CTNNA2: variants seen among roughly 807,000 people sequenced by gnomAD.
CTNNA2 encodes catenin alpha-2.
A neutral mutation model predicts 101.0 loss-of-function variants in CTNNA2; 42 were observed. The observed-to-expected ratio is 0.42, with a 90% CI of 0.32 to 0.54. The LOEUF (loss-of-function observed/expected upper bound fraction) is 0.54, where lower values mean the gene tolerates loss of function less well. Among genes scored for constraint, CTNNA2 ranks in the 20% least tolerant of loss-of-function variants. The pLI is 0.14. For synonymous variants in CTNNA2, 450 were observed against 456.4 expected (o/e 0.99, Z 0.18); for missense variants, 871 against 1,223.1 (o/e 0.71, Z 4.29).
intron 4 of CTNNA2, among the ~76,000 whole-genome samples, chr2:79,445,469 G>T (rs1678822616): frequency 1.3e-5 from 2 of 152,170 alleles, no homozygotes; most frequent in African/African-American, 4.8e-5. Flanking sequence ...AAGTGATTTG[G>T]TGGAAATTAA....
chr2:80,645,857 C>T (rs1023315783), intron 18 of CTNNA2, among the ~76,000 whole-genome samples: 4 of 152,078 alleles, frequency 2.6e-5, no homozygotes, highest in African/African-American at 9.7e-5. Flanking sequence ...GTTACTCCAT[C>T]CATTTGGTTG....
chr2:80,228,031 T>A (rs1446563244), intron 7 of CTNNA2, among the ~76,000 whole-genome samples: 2 of 152,128 alleles, frequency 1.3e-5, no homozygotes, highest in African/African-American at 4.8e-5. Context: ...TAGTGTACAG[T>A]GTGTACTGTG....
chr2:79,732,549 A>C (rs947273292), intron 2 of CTNNA2, among the ~76,000 whole-genome samples: 1 of 152,050 alleles, frequency 6.6e-6, no homozygotes, highest in Non-Finnish European at 1.5e-5. Context: ...TGTGTTATTT[A>C]TTTTTCTAAA....
chr2:80,134,638 G>C (rs1260661310), intron 7 of CTNNA2, among the ~76,000 whole-genome samples: 1 of 152,144 alleles, frequency 6.6e-6, no homozygotes, highest in South Asian at 2.1e-4. Context: ...CATGAGGCCA[G>C]CTTTGTCTCT....
At chr2:79,676,927 G>A (rs924227247) in intron 2 of CTNNA2, among the ~76,000 whole-genome samples, 1 of 152,062 alleles carries the variant, frequency 6.6e-6, no homozygotes, top group African/African-American at 2.4e-5. Context: ...TGTGGGAAGT[G>A]CTATTCCCCT....
At chr2:80,072,720 G>A (rs1698422864) in intron 7 of CTNNA2, among the ~76,000 whole-genome samples, 1 of 152,036 alleles carries the variant, frequency 6.6e-6, no homozygotes. Flanking sequence ...AATTATTGTG[G>A]GCAATGCAAA....
At chr2:79,635,700 C>T (rs907753374) in intron 1 of CTNNA2, among the ~76,000 whole-genome samples, 1 of 150,886 alleles carries the variant, frequency 6.6e-6, no homozygotes, top group Non-Finnish European at 1.5e-5. Context: ...GACGGGGTTT[C>T]AACATGTTGG....
intron 3 of CTNNA2, among the ~76,000 whole-genome samples, chr2:79,754,769 G>T (rs1451654644): frequency 2.0e-5 from 3 of 152,120 alleles, no homozygotes; most frequent in Non-Finnish European, 4.4e-5. Flanking sequence ...CCTCTGTATG[G>T]ATGGTACCTT....
rs542373565 is a variant in CTNNA2 at position 79,474,589 on chromosome 2, A to G, written c.-134-30465A>G. ...TTTAATTTTAAAAATGAAAAGCCCT[A>G]TTATATCTAAAGTAGGAAGAGTTAT... On this transcript the variant is annotated intron_variant, in intron 4 of 21. Transcript: ENST00000466387. Among the ~76,000 whole-genome samples the G allele has an allele frequency of 2.0e-5, 3 of 152,326 alleles. No individual in the cohort carries two copies. The East Asian group carries it at 5.8e-4, about 29-fold the overall frequency.
chr2:79,855,557 A>T (rs1681065335), intron 3 of CTNNA2, among the ~76,000 whole-genome samples: 2 of 152,298 alleles, frequency 1.3e-5, no homozygotes, highest in South Asian at 4.1e-4. Context: ...ATATTGGATT[A>T]GGCATGGTTC....
At chr2:79,876,787 A>G (rs963310976) in intron 6 of CTNNA2, among the ~76,000 whole-genome samples, 8 of 152,184 alleles carry the variant, frequency 5.3e-5, no homozygotes, top group Non-Finnish European at 8.8e-5. Context: ...GGGAAAATCT[A>G]TTAGCAAAGT....
At position 79,534,902 on chromosome 2, in the gene CTNNA2, G is replaced by GA. The variant is rs538462997; in HGVS notation, c.-6+21706dup. On this transcript the variant is annotated intron_variant, in intron 1 of 18. Coordinates refer to ENST00000402739, the MANE Select transcript of CTNNA2 (RefSeq NM_001282597.3). ...TAGCCAGTTAGTTGGTAAGAAGGGT[G>GA]AAAAAAAAAAACTCCTGCAAAACAA... Among the ~76,000 whole-genome samples the GA allele has an allele frequency of 1.3e-3, 176 of 136,978 alleles. 1 individual carries two copies. The highest frequency in any genetic ancestry group is 4.2e-3 in the South Asian group (18 of 4,322). The allele number at this position is 136,978 out of a possible 152,430, so 89.9% of individuals were successfully genotyped here. A position where few individuals can be genotyped will look rare whatever the true frequency, so the allele number is the denominator to read the frequency against.
intron 2 of CTNNA2, among the ~76,000 whole-genome samples, chr2:79,670,305 G>A (rs145578356): frequency 9.8e-4 from 149 of 152,308 alleles, no homozygotes; most frequent in African/African-American, 3.4e-3. Context: ...CCCTACAAGA[G>A]CACAGGGAGG....
At chr2:80,618,419 C>T (rs912824945) in intron 17 of CTNNA2, among the ~76,000 whole-genome samples, 22 of 151,822 alleles carry the variant, frequency 1.4e-4, no homozygotes, top group African/African-American at 4.1e-4. Flanking sequence ...TTGAAAGAAT[C>T]TTATGAAAAG....
intron 2 of CTNNA2, among the ~76,000 whole-genome samples, chr2:79,260,120 T>C (rs1189007858): frequency 6.6e-6 from 1 of 152,102 alleles, no homozygotes; most frequent in Non-Finnish European, 1.5e-5. Flanking sequence ...TCTCTTCCAC[T>C]TGAAGCTGGC....
rs563934493 is a variant in CTNNA2, at chr2:79,990,774, A to G, written c.1056+80977A>G. Among the ~76,000 whole-genome samples, 3 of 152,300 alleles carry G rather than the reference A, an allele frequency of 2.0e-5. No individual in the cohort carries two copies. In the South Asian group the frequency reaches 6.2e-4, roughly 32 times the overall value. On this transcript the variant is annotated intron_variant, in intron 7 of 18. Transcript: ENST00000402739. ...TGTGTCTCTGCCAGGCTTTGGTATC[A>G]GGATGATGCTGGCCTCATAAAATGA...
At chr2:80,512,525 T>TAGA (rs1688786896) in intron 9 of CTNNA2, among the ~76,000 whole-genome samples, 1 of 152,178 alleles carries the variant, frequency 6.6e-6, no homozygotes, top group African/African-American at 2.4e-5. Flanking sequence ...GGGCCGTGTA[T>TAGA]AGAAGATGAA....
At chr2:79,334,489 C>A (rs562063012) in intron 3 of CTNNA2, among the ~76,000 whole-genome samples, 5 of 152,200 alleles carry the variant, frequency 3.3e-5, no homozygotes, top group South Asian at 2.1e-4. Flanking sequence ...AGACTAGGAG[C>A]ATCCTGAGGG....
At chr2:79,248,438 T>G (rs1674725742) in intron 2 of CTNNA2, among the ~76,000 whole-genome samples, 2 of 152,064 alleles carry the variant, frequency 1.3e-5, no homozygotes, top group African/African-American at 4.8e-5. Flanking sequence ...ATATAATTTT[T>G]TCCTAGGTCT....
Sources: gnomAD v4.1 joint callset for allele counts (sites outside exome capture counted in the v4.1 genomes callset) on GRCh38, gnomAD v4.1.1 for gene constraint, MANE v1.5 for transcripts, NCBI Gene and HGNC (gene_info 2026-07-23, HGNC 2026-07-21) for gene names.